SPO11: variants seen among roughly 807,000 people sequenced by gnomAD.
SPO11 encodes SPO11 initiator of meiotic double strand breaks.
In SPO11, 49 loss-of-function variants were observed where a neutral mutation model predicts 51.6. That is an observed-to-expected ratio of 0.95 (90% CI 0.75 to 1.20). SPO11 has a LOEUF of 1.20. Ranked by LOEUF, SPO11 falls within the 50% of genes most tolerant of loss-of-function variation. SPO11 has a pLI of 0.00. For synonymous variants in SPO11, 176 were observed against 158.2 expected (o/e 1.11, Z -0.84); for missense variants, 431 against 473.4 (o/e 0.91, Z 0.83).
intron 8 of SPO11, chr20:57,337,795 T>C: frequency 7.7e-7 from 1 of 1,302,608 alleles, no homozygotes; most frequent in Non-Finnish European, 1.0e-6. Context: ...ACCCTTTTTT[T>C]TGGTGCTGTG....
At chr20:57,330,987 A>C in intron 1 of SPO11, among the ~76,000 whole-genome samples, 1 of 152,208 alleles carries the variant, frequency 6.6e-6, no homozygotes, top group Non-Finnish European at 1.5e-5. Context: ...TTTAAAATTC[A>C]TTTTCTGAAA....
At chr20:57,333,011 C>G (rs2066467520) in intron 2 of SPO11, among the ~76,000 whole-genome samples, 177 bp from the exon 3 acceptor site, 1 of 152,192 alleles carries the variant, frequency 6.6e-6, no homozygotes, top group African/African-American at 2.4e-5. Context: ...AACCTAATTT[C>G]CTAGTTATCA....
intron 1 of SPO11, 74 bp downstream of exon 1, chr20:57,330,072 G>A (rs2066426892): frequency 3.0e-5 from 44 of 1,482,010 alleles, no homozygotes; most frequent in Non-Finnish European, 3.6e-5. Flanking sequence ...GCCCCGGGCT[G>A]CCTCCTAGTG....
chr20:57,335,573 A>C, intron 7 of SPO11, 118 bp downstream of exon 7: 3 of 959,654 alleles, frequency 3.1e-6, no homozygotes. Context: ...GTAGCAGTCA[A>C]GATGAACACA....
At position 57,335,783 on chromosome 20, in the gene SPO11, G is replaced by T; in HGVS notation, c.635-15G>T. The T allele has an allele frequency of 6.8e-7, 1 of 1,465,484 alleles. No individual in the cohort carries two copies. The highest frequency in any genetic ancestry group is 1.7e-5 in the Admixed American group (1 of 58,762). The allele number at this position is 1,465,484 out of a possible 1,614,324, so 90.8% of individuals were successfully genotyped here. A position where few individuals can be genotyped will look rare whatever the true frequency, so the allele number is the denominator to read the frequency against. On this transcript the variant is annotated splice_polypyrimidine_tract_variant and intron_variant, in intron 7 of 12. Coordinates refer to ENST00000371263, the MANE Select transcript of SPO11 (RefSeq NM_012444.3). ...AAATACTCTTGCTTTCAATTTATCA[G>T]CCTTAACTTCACAGATTTAGTTACA... is the stretch of plus-strand genomic sequence containing the variant.
At chr20:57,340,254 ACTAC>A in intron 11 of SPO11, 76 bp downstream of exon 11, 1 of 898,658 alleles carries the variant, frequency 1.1e-6, no homozygotes, top group Non-Finnish European at 1.8e-6. Context: ...CTAAAAAGTC[ACTAC>A]AAGGGAAAGC....
intron 2 of SPO11, among the ~76,000 whole-genome samples, chr20:57,332,631 G>A (rs188463071): frequency 8.3e-4 from 126 of 152,264 alleles, no homozygotes; most frequent in African/African-American, 3.0e-3. Flanking sequence ...TGTTTTGAAA[G>A]ATGGATTTTA....
At chr20:57,332,252 T>C (rs1330655432) in intron 2 of SPO11, among the ~76,000 whole-genome samples, 1 of 152,212 alleles carries the variant, frequency 6.6e-6, no homozygotes, top group Admixed American at 6.5e-5. Context: ...TACTTGGAGC[T>C]AAGCTTTCTA....
chr20:57,343,077 A>T (rs2066603104), intron 12 of SPO11, among the ~76,000 whole-genome samples: 1 of 152,098 alleles, frequency 6.6e-6, no homozygotes, highest in African/African-American at 2.4e-5. Flanking sequence ...CACATTCTTG[A>T]TGGCTGTATC....
chr20:57,338,505 G>A (rs1448266917), intron 9 of SPO11, 130 bp downstream of exon 9: 21 of 648,982 alleles, frequency 3.2e-5, no homozygotes, highest in African/African-American at 9.4e-5. Flanking sequence ...GTGCAATGGC[G>A]CGATCTTGGC....
intron 1 of SPO11, among the ~76,000 whole-genome samples, chr20:57,331,351 A>G (rs957114187): frequency 6.6e-6 from 1 of 152,246 alleles, no homozygotes; most frequent in African/African-American, 2.4e-5. Context: ...GTAATGTGCG[A>G]CCACAAAAGG....
At chr20:57,339,514 G>A (rs2066553873) in intron 10 of SPO11, among the ~76,000 whole-genome samples, 1 of 152,144 alleles carries the variant, frequency 6.6e-6, no homozygotes, top group Non-Finnish European at 1.5e-5. Flanking sequence ...AAGATTCTTA[G>A]AAATGCAAAT....
Position 57,329,838 on chromosome 20 carries a change from T to A in SPO11, c.-30T>A, listed in dbSNP as rs1444974855. 13 of 1,601,164 alleles carry A rather than the reference T, an allele frequency of 8.1e-6. No homozygotes were observed. Among genetic ancestry groups the A allele is most frequent in the Non-Finnish European group, 1.1e-5 (13 of 1,172,376 alleles). ...CAAGGGCGCAGCCTAGGACAGGGGC[T>A]TCTGGAGCTTCTGGCAGCCGTCTGC... On this transcript the variant is annotated 5_prime_UTR_variant, in exon 1 of 13. Transcript: ENST00000371263.
chr20:57,338,444 C>CT, intron 9 of SPO11, 69 bp downstream of exon 9: 2 of 1,201,724 alleles, frequency 1.7e-6, no homozygotes, highest in South Asian at 1.4e-5. Context: ...TGTTTTCTTC[C>CT]TCTTTTTTTT....
At chr20:57,342,640 G>C (rs1370322720) in intron 11 of SPO11, 89 bp from the exon 12 acceptor site, 2 of 719,520 alleles carry the variant, frequency 2.8e-6, no homozygotes, top group African/African-American at 3.6e-5. Flanking sequence ...TGAGTTTCTT[G>C]AAGTAGTACC....
chr20:57,335,555 T>C (rs2066502472), intron 7 of SPO11, 100 bp downstream of exon 7: 1 of 1,194,156 alleles, frequency 8.4e-7, no homozygotes, highest in Non-Finnish European at 1.2e-6. Context: ...AGGAACAAGT[T>C]AGGCCCTGTA....
At chr20:57,340,201 G>T in intron 11 of SPO11, 23 bp downstream of exon 11, 1 of 1,479,700 alleles carries the variant, frequency 6.8e-7, no homozygotes. Flanking sequence ...AGCAGAACTA[G>T]GATATTTAAA....
At position 57,340,198 on chromosome 20, in the gene SPO11, C is replaced by G. The variant is rs6092461; in HGVS notation, c.959+20C>G. 0.026 allele frequency: 38,853 copies of G among 1,493,608 alleles called. 729 individuals are homozygous for G. Among genetic ancestry groups the G allele is most frequent in the African/African-American group, 0.089 (6,428 of 72,490 alleles). 92.5% of individuals were successfully genotyped at this position (1,493,608 alleles called of 1,614,324 possible). A position where few individuals can be genotyped will look rare whatever the true frequency, so the allele number is the denominator to read the frequency against. ...TAAAAGGTTAGATAGTATAGCAGAACTAGGATATTTAAAATGACAGTTCAT... is the reference window on the plus strand; with the variant it reads ...TAAAAGGTTAGATAGTATAGCAGAAGTAGGATATTTAAAATGACAGTTCAT... On this transcript the variant is annotated intron_variant, in intron 11 of 12. Transcript: ENST00000371263.
Position 57,331,954 on chromosome 20 carries a change from T to A in SPO11, c.245+8T>A, listed in dbSNP as rs768289200. On this transcript the variant is annotated splice_region_variant and intron_variant, in intron 2 of 12. Coordinates refer to ENST00000371263, the MANE Select transcript of SPO11 (RefSeq NM_012444.3). ...AAGCTGGGAAAACATAAAGTGGGCA[T>A]TTTGCATTTTTATTTTTTAAATGCA... 1 of 1,513,946 alleles carries A rather than the reference T, an allele frequency of 6.6e-7. No homozygotes were observed. Among genetic ancestry groups the A allele is most frequent in the Non-Finnish European group, 9.0e-7 (1 of 1,110,542 alleles). The allele number at this position is 1,513,946 out of a possible 1,614,324, so 93.8% of individuals were successfully genotyped here. A position where few individuals can be genotyped will look rare whatever the true frequency, so the allele number is the denominator to read the frequency against.
Sources: gnomAD v4.1 joint callset for allele counts (sites outside exome capture counted in the v4.1 genomes callset) on GRCh38, gnomAD v4.1.1 for gene constraint, MANE v1.5 for transcripts, NCBI Gene and HGNC (gene_info 2026-07-23, HGNC 2026-07-21) for gene names.